Variants in VNN2 observed in about 807,000 individuals in gnomAD.
The protein encoded by VNN2 is pantetheine hydrolase VNN2.
VNN2 carries 43 observed loss-of-function variants against 43.0 expected under a neutral mutation model. The ratio of observed to expected loss-of-function variants is 1.00; its 90% CI spans 0.78 to 1.29. The LOEUF (loss-of-function observed/expected upper bound fraction) is 1.29. VNN2 is among the 50% of genes most tolerant of loss of function. The probability of loss-of-function intolerance (pLI) is 0.00; values close to 1 mark genes in which losing one functional copy is unlikely to be tolerated. For missense variants in VNN2, 652 were observed against 619.7 expected (o/e 1.05, Z -0.55); for synonymous variants, 230 against 224.3 (o/e 1.03, Z -0.23).
intron 4 of VNN2, 52 bp downstream of exon 4, chr6:132,752,409 A>G: frequency 6.5e-7 from 1 of 1,542,886 alleles, no homozygotes; most frequent in Non-Finnish European, 8.7e-7. Context: ...TGAGGCATTC[A>G]TTTCTCTGCA....
At chr6:132,758,106 G>C (rs556775908), upstream of VNN2, 23 of 402,700 alleles carry the variant, frequency 5.7e-5, no homozygotes, top group Non-Finnish European at 8.6e-5. Context: ...ATGCAGTGGC[G>C]CAAGCTCAGC....
Position 132,757,827 on chromosome 6 carries a change from C to T in VNN2, c.57G>A (p.Gln19=). The T allele has an allele frequency of 1.9e-6, 3 of 1,614,040 alleles. No individual in the cohort carries two copies. The highest frequency in any genetic ancestry group is 1.1e-5 in the South Asian group (1 of 91,084). The change falls in exon 1 of 7, where the codon CAG becomes CAA. Residue 19 remains glutamine (Q), a synonymous_variant. Transcript: ENST00000326499. ...CTATAAAACTGTCCTGAGTACCAAC[C>T]TGCAGGGTTATTAGGGCAAAAACTG... ...SVAVFALITL[Q]VGTQDSFIAA... is the part of the protein sequence containing the mutation.
At chr6:132,752,783 C>A (rs1222279808) in intron 3 of VNN2, 34 bp from the exon 4 acceptor site, 14 of 1,572,982 alleles carry the variant, frequency 8.9e-6, no homozygotes, top group East Asian at 2.2e-5. Flanking sequence ...ACCAGTAAAA[C>A]CTTATTTGTT....
chr6:132,758,106 G>A (rs556775908), upstream of VNN2: 48 of 402,766 alleles, frequency 1.2e-4, no homozygotes, highest in African/African-American at 9.1e-4. Flanking sequence ...ATGCAGTGGC[G>A]CAAGCTCAGC....
chr6:132,757,829 G>A lies in VNN2; in HGVS notation c.55C>T (p.Gln19Ter), dbSNP rs1289560302. 1 of 1,613,904 alleles carries A rather than the reference G, an allele frequency of 6.2e-7. No individual in the cohort carries two copies. The highest frequency in any genetic ancestry group is 1.3e-5 in the African/African-American group (1 of 74,880). ...ATAAAACTGTCCTGAGTACCAACCTGCAGGGTTATTAGGGCAAAAACTGCC... is the reference window on the plus strand; with the variant it reads ...ATAAAACTGTCCTGAGTACCAACCTACAGGGTTATTAGGGCAAAAACTGCC... ...SVAVFALITL[Q>*]VGTQDSFIAA... Residue 19 changes from glutamine (Q) to a stop codon, truncating the protein, a stop_gained, in exon 1 of 7, where the codon CAG (glutamine) becomes TAG (stop). Transcript: ENST00000326499. LOFTEE classifies it high-confidence loss of function.
chr6:132,758,029 TCTTC>T, upstream of VNN2: 2 of 116,286 alleles, frequency 1.7e-5, no homozygotes, highest in Non-Finnish European at 1.3e-5. Flanking sequence ...TTCTTCTTCT[TCTTC>T]TTCTTCTTTT....
At position 132,751,121 on chromosome 6, in the gene VNN2, C is replaced by A. The variant is rs201636759; in HGVS notation, c.1200+24G>T. ...CTGGAATTTACCTTTCACTTGAATG[C>A]CCTTTCATTTGAACTGAAATTACCT... is the stretch of plus-strand genomic sequence containing the variant. On this transcript the variant is annotated intron_variant, in intron 5 of 6. Transcript: ENST00000326499. 75 of 1,547,220 alleles carry A rather than the reference C, an allele frequency of 4.8e-5. No homozygotes were observed. The African/African-American group carries it at 9.6e-4, about 20-fold the overall frequency.
rs909420124 is a variant in VNN2, at chr6:132,755,956, C to T, written c.424G>A (p.Asp142Asn). 1.9e-6 allele frequency: 3 copies of T among 1,613,872 alleles called. No homozygotes were observed. The highest frequency in any genetic ancestry group is 2.5e-6 in the Non-Finnish European group (3 of 1,179,948). Residue 142 changes from aspartate (D) to asparagine (N), a missense_variant, in exon 3 of 7, where the codon GAC becomes AAC. Asp to Asn is a conservative substitution (Grantham distance 23). Transcript: ENST00000326499. ...TCACGGGAATTACATGGCTTTTTGTCCCCCAAATTTGCCAAGACATAGATA... is the reference window on the plus strand; with the variant it reads ...TCACGGGAATTACATGGCTTTTTGTTCCCCAAATTTGCCAAGACATAGATA... ...NSIYVLANLG[D>N]KKPCNSRDST...
upstream of VNN2, chr6:132,757,963 T>G: frequency 8.9e-7 from 1 of 1,129,770 alleles, no homozygotes; most frequent in South Asian, 2.0e-5. Flanking sequence ...GCATAACATG[T>G]GGCTGCCAGT....
In VNN2 at chr6:132,749,685, G is replaced by A. The variant is rs752874450; in HGVS notation, c.1371+10C>T. On this transcript the variant is annotated intron_variant, in intron 6 of 6. Transcript: ENST00000326499. ...ATAAAATGAAAATACTCTTATAAAAGTCCTCTTACCTCAAATTTTCCAGGT... is the reference window on the plus strand; with the variant it reads ...ATAAAATGAAAATACTCTTATAAAAATCCTCTTACCTCAAATTTTCCAGGT... 8.7e-6 allele frequency: 14 copies of A among 1,606,998 alleles called. No individual in the cohort carries two copies. Among genetic ancestry groups the A allele is most frequent in the East Asian group, 6.7e-5 (3 of 44,716 alleles).
Position 132,750,995 on chromosome 6 carries a change from C to CATGT in VNN2, c.1200+149_1200+150insACAT, listed in dbSNP as rs140942858. The CATGT allele has an allele frequency of 7.0e-6, 6 of 852,830 alleles. No homozygotes were observed. The African/African-American group carries it at 1.0e-4, about 15-fold the overall frequency. The allele number at this position is 852,830 out of a possible 1,614,324, so 52.8% of individuals were successfully genotyped here. A position where few individuals can be genotyped will look rare whatever the true frequency, so the allele number is the denominator to read the frequency against. ...CAGTGTATGTACGTGCATAAATGCA[C>CATGT]GTGTGTGTGTGTGTGTTGTGTGTGT... On this transcript the variant is annotated intron_variant, in intron 5 of 6. Coordinates refer to ENST00000326499, the MANE Select transcript of VNN2 (RefSeq NM_004665.6).
At chr6:132,744,564 A>G in intron 6 of VNN2, 73 bp from the exon 7 acceptor site, 1 of 1,412,474 alleles carries the variant, frequency 7.1e-7, no homozygotes, top group Non-Finnish European at 9.5e-7. Flanking sequence ...TCATTTTGAA[A>G]CCATCCTAGA....
chr6:132,757,730 TC>T lies in VNN2; in HGVS notation c.153del (p.Asn52IlefsTer3), dbSNP rs1209604355. 6.2e-7 allele frequency: 1 copy of T among 1,614,072 alleles called. No homozygotes were observed. Among genetic ancestry groups the T allele is most frequent in the African/African-American group, 1.3e-5 (1 of 74,918 alleles). ...TETPVSQEDA[L>X]NLMNENIDIL... is the part of the protein sequence containing the mutation. ...ATGTCTATATTCTCGTTCATGAGAT[TC>T]AAGGCATCCTCCTGAGAAACTGGTG... On this transcript the variant is annotated frameshift_variant, in exon 1 of 7. Coordinates refer to ENST00000326499, the MANE Select transcript of VNN2 (RefSeq NM_004665.6). LOFTEE classifies it high-confidence loss of function.
upstream of VNN2, chr6:132,760,794 C>G (rs900432435): frequency 6.6e-6 from 1 of 152,110 alleles, no homozygotes; most frequent in South Asian, 2.1e-4. Flanking sequence ...ATGTTTTTCT[C>G]TGTCCTTGGC....
In VNN2 at chr6:132,749,832, A is replaced by G. The variant is rs567139324; in HGVS notation, c.1234T>C (p.Leu412=). Residue 412 remains leucine (L), a synonymous_variant, in exon 6 of 7, where the codon TTG becomes CTG. Transcript: ENST00000326499. ...CTLLKCKTTN[L]TTCGRPVETA... is the part of the protein sequence containing the mutation. ...TCTACTGGCCGTCCACAAGTTGTCA[A>G]ATTAGTAGTTTTGCACTTCAGCAGT... is the stretch of plus-strand genomic sequence containing the variant. The G allele has an allele frequency of 1.1e-5, 17 of 1,613,962 alleles. No individual in the cohort carries two copies. Among genetic ancestry groups the G allele is most frequent in the African/African-American group, 1.3e-5 (1 of 74,916 alleles).
intron 5 of VNN2, 84 bp from the exon 6 acceptor site, chr6:132,749,949 A>T: frequency 7.9e-7 from 1 of 1,265,462 alleles, no homozygotes; most frequent in Non-Finnish European, 1.1e-6. Flanking sequence ...TTTTAACTAC[A>T]GCGAAGCAAA....
intron 2 of VNN2, among the ~76,000 whole-genome samples, chr6:132,756,389 C>T (rs1172898910): frequency 1.3e-5 from 2 of 152,082 alleles, no homozygotes; most frequent in South Asian, 2.1e-4. Context: ...TTGCTTTAAT[C>T]CTCATCTCTC....
At position 132,752,707 on chromosome 6, in the gene VNN2, G is replaced by A; in HGVS notation, c.580C>T (p.Pro194Ser). The change falls in exon 4 of 7, where the codon CCG (proline) becomes TCG (serine). Residue 194 changes from proline (P) to serine (S), a missense_variant. By Grantham distance (74) the Pro-to-Ser change is moderately conservative. Coordinates refer to ENST00000326499, the MANE Select transcript of VNN2 (RefSeq NM_004665.6). ...SEPQFNVPEK[P>S]ELVTFNTAFG... is the part of the protein sequence containing the mutation. ...GCGGTGTTGAAAGTCACCAACTCCG[G>A]CTTTTCAGGGACATTAAACTGAGGC... 1.9e-6 allele frequency: 3 copies of A among 1,614,076 alleles called. No individual in the cohort carries two copies. Among genetic ancestry groups the A allele is most frequent in the Non-Finnish European group, 2.5e-6 (3 of 1,180,002 alleles).
At chr6:132,749,271 G>C (rs1016008187) in intron 6 of VNN2, among the ~76,000 whole-genome samples, 2 of 152,120 alleles carry the variant, frequency 1.3e-5, no homozygotes, top group African/African-American at 4.8e-5. Flanking sequence ...TTGCAAACAC[G>C]GTGCAAGCAG....
Sources: allele counts gnomAD v4.1 joint callset (sites outside exome capture counted in the v4.1 genomes callset), GRCh38; gene constraint gnomAD v4.1.1; transcripts MANE v1.5; gene names NCBI Gene and HGNC (gene_info 2026-07-23, HGNC 2026-07-21).